PLXND1: variants seen among roughly 807,000 people sequenced by gnomAD.
PLXND1 encodes plexin-D1.
Under a neutral mutation model 197.7 loss-of-function variants are expected in PLXND1, and 54 were observed. That is an observed-to-expected ratio of 0.27 (90% CI 0.22 to 0.34). PLXND1 has a LOEUF of 0.34. PLXND1 is among the 10% of genes least tolerant of loss of function. PLXND1 has a pLI of 1.00. For synonymous variants in PLXND1, 1,180 were observed against 1,161.2 expected, an observed-to-expected ratio of 1.02 and a Z score of -0.33; for missense variants, 2,127 against 2,699.2, an observed-to-expected ratio of 0.79 and a Z score of 4.70.
In PLXND1 at chr3:129,570,804, C is replaced by A; in HGVS notation, c.3732G>T (p.Val1244=). 1 of 1,614,140 alleles carries A rather than the reference C, an allele frequency of 6.2e-7. No homozygotes were observed. The highest frequency in any genetic ancestry group is 8.5e-7 in the Non-Finnish European group (1 of 1,179,986). The change falls in exon 19 of 36, where the codon GTG becomes GTT. Residue 1244 remains valine, a synonymous_variant. Transcript: ENST00000324093. ...CSVNESLGAA[V]GQLPITIQVG... is the part of the protein sequence containing the mutation. ...CACTCACTGTGATGGGCAGCTGCCC[C>A]ACGGCCGCGCCCAGGGACTCGTTGA...
intron 2 of PLXND1, among the ~76,000 whole-genome samples, chr3:129,588,216 T>C (rs1016346893): frequency 2.6e-5 from 4 of 152,158 alleles, no homozygotes; most frequent in Admixed American, 6.5e-5. Flanking sequence ...TCATTTCCCC[T>C]CTCAGAGCCT....
At chr3:129,594,807 T>C (rs1405377304) in intron 1 of PLXND1, among the ~76,000 whole-genome samples, 1 of 152,124 alleles carries the variant, frequency 6.6e-6, no homozygotes, top group Non-Finnish European at 1.5e-5. Context: ...AGGAACTGTC[T>C]GTACTATCTT....
intron 17 of PLXND1, 58 bp from the exon 18 acceptor site, chr3:129,571,361 A>C: frequency 6.3e-7 from 1 of 1,580,690 alleles, no homozygotes. Flanking sequence ...ATGGGCATGG[A>C]GAAACGGTGG....
intron 1 of PLXND1, 46 bp downstream of exon 1, chr3:129,605,283 C>CA: frequency 1.3e-6 from 1 of 782,804 alleles, no homozygotes; most frequent in Non-Finnish European, 1.7e-6. Flanking sequence ...CCGCCCCCGC[C>CA]CCCGCCGCCG....
chr3:129,568,797 C>G (rs571217583), intron 20 of PLXND1, among the ~76,000 whole-genome samples: 2 of 152,358 alleles, frequency 1.3e-5, no homozygotes, highest in African/African-American at 4.8e-5. Flanking sequence ...GAGCCACCCA[C>G]CTTGGCCTCC....
At position 129,560,339 on chromosome 3, in the gene PLXND1, G is replaced by C; in HGVS notation, c.5124C>G (p.Leu1708=). 1 of 1,607,544 alleles carries C rather than the reference G, an allele frequency of 6.2e-7. No homozygotes were observed. The highest frequency in any genetic ancestry group is 1.1e-5 in the South Asian group (1 of 90,968). ...CTGAGGCCGGACTCACCTTGGTGGA[G>C]AGCAGGCGGGTCAGGTAGATTTCCG... The part of the protein sequence containing the change: ...VLPEIYLTRL[L]STKGTLQKFL... The change falls in exon 31 of 36, where the codon CTC becomes CTG. Residue 1708 remains leucine (L), a synonymous_variant. Transcript: ENST00000324093.
chr3:129,583,439 C>A, intron 8 of PLXND1, 128 bp downstream of exon 8: 5 of 635,112 alleles, frequency 7.9e-6, no homozygotes, highest in Non-Finnish European at 1.4e-5. Context: ...ATGTGATGAG[C>A]CCCATATAGC....
intron 20 of PLXND1, among the ~76,000 whole-genome samples, chr3:129,568,067 C>G (rs1227950713): frequency 1.3e-5 from 2 of 151,736 alleles, no homozygotes; most frequent in African/African-American, 4.8e-5. Flanking sequence ...TGTTACAGCT[C>G]TGTTAGAATT....
chr3:129,556,016 T>C lies in PLXND1; in HGVS notation c.*296A>G. Reference sequence around the variant, plus strand: ...TGGCAGCAGGACCAACTGGACGTTGTGGAGCAAGTGGGTGGGCACAGTGCA... The same window carrying C: ...TGGCAGCAGGACCAACTGGACGTTGCGGAGCAAGTGGGTGGGCACAGTGCA... On this transcript the variant is annotated 3_prime_UTR_variant, in exon 36 of 36. Coordinates refer to ENST00000324093, the MANE Select transcript of PLXND1 (RefSeq NM_015103.3). 2.8e-6 allele frequency: 1 copy of C among 357,110 alleles called. No individual in the cohort carries two copies. 22.1% of individuals were successfully genotyped at this position (357,110 alleles called of 1,614,324 possible).
Position 129,605,816 on chromosome 3 carries a change from T to C in PLXND1, c.824A>G (p.His275Arg). The change falls in exon 1 of 36, where the codon CAC (histidine) becomes CGC (arginine). Residue 275 changes from histidine (H) to arginine (R), a missense_variant. Transcript: ENST00000324093. The stretch of plus-strand genomic sequence containing the variant: ...GAAGGCGCTCACGAAGCCCAGCTTG[T>C]GCTGCTCCTTGGCGCCCTGCTTGAT... ...LKIKQGAKEQ[H>R]KLGFVSAFLH... The C allele has an allele frequency of 6.2e-7, 1 of 1,609,612 alleles. No homozygotes were observed. Among genetic ancestry groups the C allele is most frequent in the Non-Finnish European group, 8.5e-7 (1 of 1,178,354 alleles).
Position 129,556,303 on chromosome 3 carries a change from C to T in PLXND1, c.*9G>A, listed in dbSNP as rs572616073. The T allele has an allele frequency of 6.4e-7, 1 of 1,565,076 alleles. No homozygotes were observed. Among genetic ancestry groups the T allele is most frequent in the African/African-American group, 1.4e-5 (1 of 74,062 alleles). ...TCCCAGCAGCAGCCTGACCAACTCTCCATGTGTCTCAGGCCTCACTGTAGC... is the reference window on the plus strand; with the variant it reads ...TCCCAGCAGCAGCCTGACCAACTCTTCATGTGTCTCAGGCCTCACTGTAGC... On this transcript the variant is annotated 3_prime_UTR_variant, in exon 36 of 36. Transcript: ENST00000324093.
chr3:129,590,517 C>T (rs947750328), intron 1 of PLXND1, among the ~76,000 whole-genome samples: 5 of 152,170 alleles, frequency 3.3e-5, no homozygotes, highest in Non-Finnish European at 5.9e-5. Flanking sequence ...GGACTGAGTG[C>T]GTCCATCATG....
At position 129,577,107 on chromosome 3, in the gene PLXND1, CCT is replaced by C. The variant is rs1261828714; in HGVS notation, c.2346+1220_2346+1221del. Among the ~76,000 whole-genome samples the C allele has an allele frequency of 2.0e-5, 3 of 152,146 alleles. No homozygotes were observed. The highest frequency in any genetic ancestry group is 2.9e-5 in the Non-Finnish European group (2 of 68,020). On this transcript the variant is annotated intron_variant, in intron 9 of 35. Transcript: ENST00000324093. This position sits in a 1 kb window ranked among gnomAD's most constrained non-coding sequence, Gnocchi z 5.0. ...ACGGGGCCAAAAGCCCGTTTTGTCC[CCT>C]GCCATGCTGAGCTGGAGATGGGTCC...
intron 20 of PLXND1, among the ~76,000 whole-genome samples, chr3:129,568,502 C>T (rs2085175718): frequency 6.6e-6 from 1 of 152,176 alleles, no homozygotes; most frequent in Non-Finnish European, 1.5e-5. Context: ...AAATAACGTA[C>T]ATACCATATA....
At chr3:129,588,664 A>C (rs2085494934) in intron 2 of PLXND1, among the ~76,000 whole-genome samples, 1 of 152,190 alleles carries the variant, frequency 6.6e-6, no homozygotes, top group African/African-American at 2.4e-5. Context: ...GCATGAATAG[A>C]GTGGTGGCGC....
At chr3:129,575,098 C>G (rs924529317) in intron 11 of PLXND1, among the ~76,000 whole-genome samples, 1 of 152,154 alleles carries the variant, frequency 6.6e-6, no homozygotes, top group Non-Finnish European at 1.5e-5. Flanking sequence ...GGAGAGTGGA[C>G]CCAACACAGA....
At chr3:129,560,486 C>T (rs2085041610) in intron 30 of PLXND1, 52 bp from the exon 31 acceptor site, 2 of 1,299,154 alleles carry the variant, frequency 1.5e-6, no homozygotes, top group Non-Finnish European at 2.2e-6. Context: ...TCCTCGGCCG[C>T]CTGTGGGAGG....
rs764874298 is a variant in PLXND1, at chr3:129,605,300, C to T, written c.1311+29G>A. On this transcript the variant is annotated intron_variant, in intron 1 of 35. Coordinates refer to ENST00000324093, the MANE Select transcript of PLXND1 (RefSeq NM_015103.3). ...GCCCCCGCCCCCGCCGCCGCCGCCG[C>T]CGCCGCCGCCGCCACCGCCCGGGTG... The T allele has an allele frequency of 5.7e-5, 68 of 1,187,444 alleles. No individual in the cohort carries two copies. In the South Asian group the frequency reaches 1.9e-3, roughly 33 times the overall value. The allele number at this position is 1,187,444 out of a possible 1,614,324, so 73.6% of individuals were successfully genotyped here.
At chr3:129,578,281 C>A in intron 9 of PLXND1, 48 bp downstream of exon 9, 1 of 1,223,054 alleles carries the variant, frequency 8.2e-7, no homozygotes, top group South Asian at 1.3e-5. Flanking sequence ...CTGCGTGCTC[C>A]CCGGCCTCCT....
Sources: allele counts gnomAD v4.1 joint callset (sites outside exome capture counted in the v4.1 genomes callset), GRCh38; gene constraint gnomAD v4.1.1; non-coding constraint Gnocchi (gnomAD v3.1); transcripts MANE v1.5; gene names NCBI Gene and HGNC (gene_info 2026-07-23, HGNC 2026-07-21).